COLEC11: variants seen among roughly 807,000 people sequenced by gnomAD.
The protein encoded by COLEC11 is collectin subfamily member 11.
Under a neutral mutation model 27.3 loss-of-function variants are expected in COLEC11, and 20 were observed. That is an observed-to-expected ratio of 0.73 (90% CI 0.51 to 1.06). COLEC11 has a LOEUF of 1.06. COLEC11 is among the 50% of genes least tolerant of loss of function. COLEC11 has a pLI of 0.00. For missense variants in COLEC11, 310 were observed against 383.0 expected (o/e 0.81, Z 1.59); for synonymous variants, 163 against 154.7 (o/e 1.05, Z -0.40).
intron 2 of COLEC11, among the ~76,000 whole-genome samples, chr2:3,608,119 G>T (rs1458610754): frequency 6.6e-6 from 1 of 152,204 alleles, no homozygotes; most frequent in African/African-American, 2.4e-5. Flanking sequence ...ACTGACATGC[G>T]CCTTCCTAGC....
intron 5 of COLEC11, 102 bp from the exon 6 acceptor site, chr2:3,643,342 G>T: frequency 1.0e-6 from 1 of 990,500 alleles, no homozygotes; most frequent in South Asian, 1.3e-5. Flanking sequence ...CGTGGGGCAC[G>T]TTTGTTGAGT....
chr2:3,623,530 T>G (rs1349872204), intron 3 of COLEC11, among the ~76,000 whole-genome samples: 4 of 152,166 alleles, frequency 2.6e-5, no homozygotes, highest in African/African-American at 4.8e-5. Flanking sequence ...TTAAATGACC[T>G]GTCATCAAGC....
chr2:3,614,940 G>C (rs539770931), intron 3 of COLEC11, among the ~76,000 whole-genome samples: 3 of 152,254 alleles, frequency 2.0e-5, no homozygotes, highest in Admixed American at 2.0e-4. Flanking sequence ...AGAAAGAACA[G>C]TACCTTTAAA....
At position 3,613,263 on chromosome 2, in the gene COLEC11, G is replaced by A. The variant is rs753797776; in HGVS notation, c.131-48G>A. On this transcript the variant is annotated intron_variant, in intron 2 of 6. Transcript: ENST00000349077. The stretch of plus-strand genomic sequence containing the variant: ...CTTCCTCCACAAATCACTCTGAGAC[G>A]CTGTGCTGGCCAGACGAGCTGCTAA... The A allele has an allele frequency of 9.0e-6, 14 of 1,562,798 alleles. No homozygotes were observed. In the African/African-American group the frequency reaches 1.2e-4, roughly 14 times the overall value.
chr2:3,597,696 C>T (rs1299229459), intron 1 of COLEC11, among the ~76,000 whole-genome samples: 1 of 151,916 alleles, frequency 6.6e-6, no homozygotes, highest in African/African-American at 2.4e-5. Flanking sequence ...AAACTAAACC[C>T]AGTTTGCATC....
Position 3,609,492 on chromosome 2 carries a change from C to T in COLEC11, c.131-3819C>T, listed in dbSNP as rs78760809. Among the ~76,000 whole-genome samples the T allele has an allele frequency of 3.5e-3, 530 of 150,710 alleles. 8 individuals are homozygous for T. The highest frequency in any genetic ancestry group is 0.024 in the Admixed American group (363 of 15,106). ...TGAAGAGCTCCTCCCACATCAGCTT[C>T]CTGAGTGGCTGGGACTACAGGTGCA... On this transcript the variant is annotated intron_variant, in intron 2 of 6. Transcript: ENST00000349077.
At chr2:3,597,165 T>C (rs1458911439) in intron 1 of COLEC11, among the ~76,000 whole-genome samples, 4 of 150,624 alleles carry the variant, frequency 2.7e-5, no homozygotes, top group Non-Finnish European at 5.9e-5. Context: ...TGCTCCGGGG[T>C]CAGTGAATGA....
At chr2:3,638,124 A>C (rs1293831525) in intron 4 of COLEC11, among the ~76,000 whole-genome samples, 4 of 152,166 alleles carry the variant, frequency 2.6e-5, no homozygotes, top group African/African-American at 7.2e-5. Flanking sequence ...TTCTAATTGC[A>C]CCGTCTCCGC....
Position 3,627,625 on chromosome 2 carries a change from C to T in COLEC11, c.203-9908C>T, listed in dbSNP as rs1199490051. Among the ~76,000 whole-genome samples the T allele has an allele frequency of 5.2e-5, 7 of 134,780 alleles. No homozygotes were observed. In the East Asian group the frequency reaches 9.3e-4, roughly 18 times the overall value. The allele number at this position is 134,780 out of a possible 152,430, so 88.4% of individuals were successfully genotyped here. ...CGATGCTGGGCATGAAGATGGGACA[C>T]GATGATGGGGTGGATCTGGGCATAA... On this transcript the variant is annotated intron_variant, in intron 3 of 6. Transcript: ENST00000349077.
chr2:3,619,956 T>G (rs1664065180), intron 3 of COLEC11, among the ~76,000 whole-genome samples: 1 of 152,152 alleles, frequency 6.6e-6, no homozygotes, highest in South Asian at 2.1e-4. Context: ...GCTGTTAAAT[T>G]TGGTTTGCTA....
intron 3 of COLEC11, among the ~76,000 whole-genome samples, chr2:3,634,597 T>A (rs1317482294): frequency 6.6e-6 from 1 of 152,202 alleles, no homozygotes. Context: ...CCCTTCTCTC[T>A]CCCTGCTGTG....
Position 3,604,351 on chromosome 2 carries a change from A to G in COLEC11, c.11A>G (p.Asn4Ser), listed in dbSNP as rs1330574701. MRG[N>S]LALVGVLISL... The stretch of plus-strand genomic sequence containing the variant: ...CTGCCTGCGCTCAGGATGAGGGGGA[A>G]TCTGGCCCTGGTGGGCGTTCTAATC... Residue 4 changes from asparagine (N) to serine (S), a missense_variant, in exon 2 of 7, where the codon AAT (asparagine) becomes AGT (serine). Asn to Ser is a conservative substitution (Grantham distance 46). Coordinates refer to ENST00000349077, the MANE Select transcript of COLEC11 (RefSeq NM_024027.5). 6 of 1,614,206 alleles carry G rather than the reference A, an allele frequency of 3.7e-6. No homozygotes were observed. Among genetic ancestry groups the G allele is most frequent in the Admixed American group, 3.3e-5 (2 of 60,024 alleles).
Position 3,595,999 on chromosome 2 carries a change from G to A in COLEC11, c.-27+831G>A, listed in dbSNP as rs1405761947. Among the ~76,000 whole-genome samples, 3 of 152,362 alleles carry A rather than the reference G, an allele frequency of 2.0e-5. No individual in the cohort carries two copies. In the East Asian group the frequency reaches 5.8e-4, roughly 29 times the overall value. On this transcript the variant is annotated intron_variant, in intron 1 of 6. Coordinates refer to ENST00000349077, the MANE Select transcript of COLEC11 (RefSeq NM_024027.5). ...TTTGAAAAATCCATGTACCGTAGAA[G>A]AGAGCACACCGGTAATGTGCTGACC...
At chr2:3,614,653 C>A (rs1018455838) in intron 3 of COLEC11, among the ~76,000 whole-genome samples, 4 of 151,868 alleles carry the variant, frequency 2.6e-5, no homozygotes, top group Non-Finnish European at 4.4e-5. Context: ...TACAGAAGGA[C>A]AGGATGACCA....
chr2:3,596,312 A>T (rs972228391), intron 1 of COLEC11, among the ~76,000 whole-genome samples: 3 of 150,592 alleles, frequency 2.0e-5, no homozygotes, highest in African/African-American at 7.3e-5. Flanking sequence ...AACTGAAGCC[A>T]TGATTTTTTC....
intron 3 of COLEC11, among the ~76,000 whole-genome samples, chr2:3,615,957 C>T (rs1572419028): frequency 6.6e-6 from 1 of 151,666 alleles, no homozygotes; most frequent in African/African-American, 2.4e-5. Context: ...TCCTCACTTC[C>T]CAGACGGGGC....
chr2:3,596,027 TG>T (rs1158606691), intron 1 of COLEC11, among the ~76,000 whole-genome samples: 1 of 152,174 alleles, frequency 6.6e-6, no homozygotes, highest in Non-Finnish European at 1.5e-5. Flanking sequence ...TGCTGACCGC[TG>T]GGGGAAGATA....
intron 2 of COLEC11, chr2:3,606,039 C>T: frequency 8.4e-6 from 13 of 1,542,778 alleles, no homozygotes; most frequent in Non-Finnish European, 1.1e-5. Flanking sequence ...CTGTTGGATG[C>T]CTACGGCTCT....
At position 3,607,685 on chromosome 2, in the gene COLEC11, G is replaced by A. The variant is rs147929184; in HGVS notation, c.130+3215G>A. On this transcript the variant is annotated intron_variant, in intron 2 of 6. Coordinates refer to ENST00000349077, the MANE Select transcript of COLEC11 (RefSeq NM_024027.5). ...GCTGGTCTCGAACTCCTGACCTCAC[G>A]TAATCCACCCGCTTTGGCTTCCCAA... Among the ~76,000 whole-genome samples the A allele has an allele frequency of 1.9e-3, 291 of 152,232 alleles. 2 individuals are homozygous for A. Among genetic ancestry groups the A allele is most frequent in the African/African-American group, 6.6e-3 (273 of 41,548 alleles).
Sources: allele counts gnomAD v4.1 joint callset (sites outside exome capture counted in the v4.1 genomes callset), GRCh38; gene constraint gnomAD v4.1.1; transcripts MANE v1.5; gene names NCBI Gene and HGNC (gene_info 2026-07-23, HGNC 2026-07-21).